ZNF121: variants seen among roughly 807,000 people sequenced by gnomAD.
ZNF121 encodes zinc finger protein 121.
Under a neutral mutation model 2.4 loss-of-function variants are expected in ZNF121, and 1 was observed. The ratio of observed to expected loss-of-function variants is 0.41; its 90% CI spans 0.15 to 1.94. The LOEUF (loss-of-function observed/expected upper bound fraction) is 1.94. Ranked by LOEUF, ZNF121 falls within the 30% of genes most tolerant of loss-of-function variation. The pLI is 0.30. For synonymous variants in ZNF121, 173 were observed against 158.6 expected (o/e 1.09, Z -0.68); for missense variants, 369 against 466.3 (o/e 0.79, Z 1.92).
rs1306495053 is a variant in ZNF121 at position 9,563,166 on chromosome 19, AAC to A, written c.*2772_*2773del. On this transcript the variant is annotated 3_prime_UTR_variant, in exon 4 of 4. Transcript: ENST00000320451. Reference sequence around the variant, plus strand: ...GGAAACTAAAAGTGCTACTCCAGTGAACACACACATAATAAGAAAGGAAAACA... The same window carrying A: ...GGAAACTAAAAGTGCTACTCCAGTGAACACACATAATAAGAAAGGAAAACA... 1 of 152,160 alleles carries A rather than the reference AAC, an allele frequency of 6.6e-6. No homozygotes were observed. The highest frequency in any genetic ancestry group is 1.5e-5 in the Non-Finnish European group (1 of 68,050). 9.4% of individuals were successfully genotyped at this position (152,160 alleles called of 1,614,324 possible). A position where few individuals can be genotyped will look rare whatever the true frequency, so the allele number is the denominator to read the frequency against.
chr19:9,566,709 A>G lies in ZNF121; in HGVS notation c.404T>C (p.Val135Ala). Residue 135 changes from valine to alanine, a missense_variant, in exon 4 of 4, where the codon GTT becomes GCT. Coordinates refer to ENST00000320451, the MANE Select transcript of ZNF121 (RefSeq NM_001008727.5). ...FTYSTSHAVS[V>A]KMHTVEKPYE... ...GGGTTTTTCTACAGTATGCATTTTA[A>G]CAGACACAGCATGGCTTGTGGAGTA... The G allele has an allele frequency of 6.2e-7, 1 of 1,614,212 alleles. No homozygotes were observed. The highest frequency in any genetic ancestry group is 8.5e-7 in the Non-Finnish European group (1 of 1,180,046).
In ZNF121 at chr19:9,567,020, T is replaced by C. The variant is rs759583899; in HGVS notation, c.93A>G (p.Gly31=). 6.2e-7 allele frequency: 1 copy of C among 1,614,122 alleles called. No homozygotes were observed. The highest frequency in any genetic ancestry group is 8.5e-7 in the Non-Finnish European group (1 of 1,180,032). ...CATAAGTGTCCCCTGTATTTTCAGTTCCCATGTGTGCATTAAGGCATGAGT... is the reference window on the plus strand; with the variant it reads ...CATAAGTGTCCCCTGTATTTTCAGTCCCCATGTGTGCATTAAGGCATGAGT... ...SEHSCLNAHM[G]TENTGDTYDC... Residue 31 remains glycine (G), a synonymous_variant, in exon 4 of 4, where the codon GGA becomes GGG. Coordinates refer to ENST00000320451, the MANE Select transcript of ZNF121 (RefSeq NM_001008727.5).
intron 1 of ZNF121, among the ~76,000 whole-genome samples, chr19:9,579,380 C>T (rs960586605): frequency 1.3e-5 from 2 of 152,162 alleles, no homozygotes; most frequent in African/African-American, 4.8e-5. Flanking sequence ...GACCTGTCTG[C>T]ACACATATGC....
intron 1 of ZNF121, chr19:9,584,234 C>T (rs1376735264): frequency 6.6e-6 from 1 of 152,234 alleles, no homozygotes; most frequent in East Asian, 1.9e-4. Context: ...CGGATGAAAC[C>T]ACTCCAGAAA....
rs755292084 is a variant in ZNF121, at chr19:9,565,915, C to T, written c.*25G>A. ...ATGAGAAATTCCTAAAAGATTTCCACATTCCTTACATTCAGAGTTTTTCTT... is the reference window on the plus strand; with the variant it reads ...ATGAGAAATTCCTAAAAGATTTCCATATTCCTTACATTCAGAGTTTTTCTT... On this transcript the variant is annotated 3_prime_UTR_variant, in exon 4 of 4. Transcript: ENST00000320451. The T allele has an allele frequency of 6.8e-7, 1 of 1,480,444 alleles. No individual in the cohort carries two copies. Among genetic ancestry groups the T allele is most frequent in the South Asian group, 1.4e-5 (1 of 72,960 alleles). 91.7% of individuals were successfully genotyped at this position (1,480,444 alleles called of 1,614,324 possible).
In ZNF121 at chr19:9,566,313, C is replaced by G. The variant is rs1202869851; in HGVS notation, c.800G>C (p.Ser267Thr). Residue 267 changes from serine (S) to threonine (T), a missense_variant, in exon 4 of 4, where the codon AGC becomes ACC. By Grantham distance (58) the Ser-to-Thr change is moderately conservative (BLOSUM62 1). Around this residue, in one of 4 missense-constraint regions of ZNF121, gnomAD observed 127 missense variants for 169.9 expected, o/e 0.75. Transcript: ENST00000320451. ...AAAGTGATTCTTAAGGCATGAAGAGCTTCTGAAGGATTTTCCACATACCTT... is the reference window on the plus strand; with the variant it reads ...AAAGTGATTCTTAAGGCATGAAGAGGTTCTGAAGGATTTTCCACATACCTT... ...ECKVCGKSFR[S>T]SSCLKNHFRI... The G allele has an allele frequency of 3.1e-5, 50 of 1,613,640 alleles. No individual in the cohort carries two copies. The highest frequency in any genetic ancestry group is 4.2e-5 in the Non-Finnish European group (49 of 1,179,946).
rs2074117556 is a variant in ZNF121 at position 9,564,475 on chromosome 19, A to G, written c.*1465T>C. The stretch of plus-strand genomic sequence containing the variant: ...TTCATAGGTGACTCTGAGGGGTTCA[A>G]GTCTTCAGTGGAAAAAGTAACTGTG... On this transcript the variant is annotated 3_prime_UTR_variant, in exon 4 of 4. Transcript: ENST00000320451. The G allele has an allele frequency of 6.6e-6, 1 of 152,202 alleles. No individual in the cohort carries two copies. Among genetic ancestry groups the G allele is most frequent in the East Asian group, 1.9e-4 (1 of 5,196 alleles). 9.4% of individuals were successfully genotyped at this position (152,202 alleles called of 1,614,324 possible).
Position 9,566,054 on chromosome 19 carries a change from T to C in ZNF121, c.1059A>G (p.Ser353=), listed in dbSNP as rs2074129519. 6.2e-7 allele frequency: 1 copy of C among 1,613,988 alleles called. No homozygotes were observed. The highest frequency in any genetic ancestry group is 2.2e-5 in the East Asian group (1 of 44,846). ...KECGKTFRAS[S]HLQKHVRIHT... is the part of the protein sequence containing the mutation. ...GAATTCTAACATGTTTCTGTAGATG[T>C]GAAGAAGCACGGAAGGTTTTCCCAC... Residue 353 remains serine (S), a synonymous_variant, in exon 4 of 4, where the codon TCA becomes TCG. Coordinates refer to ENST00000320451, the MANE Select transcript of ZNF121 (RefSeq NM_001008727.5).
In ZNF121 at chr19:9,566,178, T is replaced by C. The variant is rs941627067; in HGVS notation, c.935A>G (p.Tyr312Cys). 6 of 1,614,058 alleles carry C rather than the reference T, an allele frequency of 3.7e-6. No individual in the cohort carries two copies. The highest frequency in any genetic ancestry group is 1.3e-5 in the African/African-American group (1 of 74,954). Reference protein sequence around the residue: ...HVKIHTGEKPYECKDCGKAFA... With the variant: ...HVKIHTGEKPCECKDCGKAFA... ...GGCTTTCCCACAGTCCTTACATTCA[T>C]AGGGCTTCTCTCCAGTATGGATTTT... The change falls in exon 4 of 4, where the codon TAT (tyrosine) becomes TGT (cysteine). Residue 312 changes from tyrosine (Y) to cysteine (C), a missense_variant. This residue lies in a region of ZNF121 where 127 missense variants were observed against 169.9 expected (regional missense o/e 0.75). Coordinates refer to ENST00000320451, the MANE Select transcript of ZNF121 (RefSeq NM_001008727.5).
chr19:9,570,031 C>T (rs1243692339), intron 1 of ZNF121, among the ~76,000 whole-genome samples: 1 of 151,542 alleles, frequency 6.6e-6, no homozygotes, highest in Non-Finnish European at 1.5e-5. Flanking sequence ...CTGCCGCCGC[C>T]CACCCTAGTT....
chr19:9,575,323 T>C (rs1016844170), intron 1 of ZNF121, among the ~76,000 whole-genome samples: 1 of 152,194 alleles, frequency 6.6e-6, no homozygotes, highest in Non-Finnish European at 1.5e-5. Context: ...CACTGGAGGC[T>C]GAGGCAGGAG....
Position 9,566,826 on chromosome 19 carries a change from G to T in ZNF121, c.287C>A (p.Ala96Asp), listed in dbSNP as rs1196757996. The part of the protein sequence containing the change: ...KSFEYSDCEE[A>D]FVDQSHLQAN... The stretch of plus-strand genomic sequence containing the variant: ...CTGAAGATGTGACTGATCAACAAAG[G>T]CTTCCTCACAGTCACTGTATTCAAA... The change falls in exon 4 of 4, where the codon GCC becomes GAC. Residue 96 changes from alanine to aspartate, a missense_variant. Around this residue, in one of 4 missense-constraint regions of ZNF121, gnomAD observed 168 missense variants for 162.3 expected, o/e 1.03. Transcript: ENST00000320451. The T allele has an allele frequency of 6.2e-7, 1 of 1,614,016 alleles. No individual in the cohort carries two copies. Among genetic ancestry groups the T allele is most frequent in the African/African-American group, 1.3e-5 (1 of 74,916 alleles).
At position 9,578,598 on chromosome 19, in the gene ZNF121, G is replaced by A. The variant is rs575133881; in HGVS notation, c.-160+5863C>T. ...ACAAAGGCACCAAAAGCATACAATG[G>A]GAAAATAGCAGTCTTCAATAAGTGC... On this transcript the variant is annotated intron_variant, in intron 1 of 3. Coordinates refer to ENST00000320451, the MANE Select transcript of ZNF121 (RefSeq NM_001008727.5). 1.3e-4 allele frequency among the ~76,000 whole-genome samples: 20 copies of A among 152,102 alleles called. No individual in the cohort carries two copies. In the South Asian group the frequency reaches 3.9e-3, roughly 30 times the overall value.
At chr19:9,575,241 G>A (rs899458012) in intron 1 of ZNF121, among the ~76,000 whole-genome samples, 3 of 152,138 alleles carry the variant, frequency 2.0e-5, no homozygotes, top group African/African-American at 2.4e-5. Flanking sequence ...TCAACATGGT[G>A]AAACCCAGTC....
At position 9,565,710 on chromosome 19, in the gene ZNF121, A is replaced by AAAT. The variant is rs1440416636; in HGVS notation, c.*227_*229dup. The AAAT allele has an allele frequency of 5.6e-6, 1 of 178,448 alleles. No individual in the cohort carries two copies. The highest frequency in any genetic ancestry group is 6.6e-5 in the Admixed American group (1 of 15,140). The allele number at this position is 178,448 out of a possible 1,614,324, so 11.1% of individuals were successfully genotyped here. A position where few individuals can be genotyped will look rare whatever the true frequency, so the allele number is the denominator to read the frequency against. ...AAATAAAATAAAATAAAATAAAATA[A>AAAT]AATAAAATAATAAAAAAAGATTCCA... On this transcript the variant is annotated 3_prime_UTR_variant, in exon 4 of 4. Coordinates refer to ENST00000320451, the MANE Select transcript of ZNF121 (RefSeq NM_001008727.5).
At chr19:9,573,323 ACAAC>A (rs1466712053) in intron 1 of ZNF121, among the ~76,000 whole-genome samples, 1 of 151,840 alleles carries the variant, frequency 6.6e-6, no homozygotes, top group Non-Finnish European at 1.5e-5. Flanking sequence ...GAATATATTA[ACAAC>A]AACAAAAAAG....
chr19:9,569,539 T>G (rs554790503), intron 1 of ZNF121, among the ~76,000 whole-genome samples: 62 of 145,068 alleles, frequency 4.3e-4, no homozygotes, highest in Middle Eastern at 3.6e-3. Context: ...TCTGGTTTTG[T>G]TTTTTTTTTT....
At chr19:9,579,049 C>T (rs1026924450) in intron 1 of ZNF121, among the ~76,000 whole-genome samples, 22 of 146,786 alleles carry the variant, frequency 1.5e-4, no homozygotes, top group Non-Finnish European at 2.4e-4. Context: ...TCTCAAAAAA[C>T]GACATACAAA....
At chr19:9,573,418 T>C (rs1158227716) in intron 1 of ZNF121, among the ~76,000 whole-genome samples, 1 of 152,094 alleles carries the variant, frequency 6.6e-6, no homozygotes, top group African/African-American at 2.4e-5. Context: ...AGAGGAAAGA[T>C]TCACTGAGCT....
Sources: allele counts gnomAD v4.1 joint callset (sites outside exome capture counted in the v4.1 genomes callset), GRCh38; gene constraint gnomAD v4.1.1; regional missense constraint gnomAD v4.1.1; transcripts MANE v1.5; gene names NCBI Gene and HGNC (gene_info 2026-07-23, HGNC 2026-07-21).